The following GRIK1 variants were observed in gnomAD, a reference collection of about 807,000 sequenced individuals.
GRIK1 encodes glutamate ionotropic receptor kainate type subunit 1.
A neutral mutation model predicts 105.7 loss-of-function variants in GRIK1; 69 were observed. The ratio of observed to expected loss-of-function variants is 0.65; its 90% CI spans 0.54 to 0.80. The LOEUF is 0.80. GRIK1 is among the 30% of genes least tolerant of loss of function. The pLI is 0.00. For missense variants in GRIK1, 1,109 were observed against 1,167.3 expected (o/e 0.95, Z 0.73); for synonymous variants, 438 against 431.3 (o/e 1.02, Z -0.19).
In GRIK1 at chr21:29,707,644, C is replaced by T. The variant is rs368057293; in HGVS notation, c.119-13581G>A. ...CCGAGTAGTTGGGCCTACAGGCGTT[C>T]GCCACCACACCCAGCTAATTTTGTA... On this transcript the variant is annotated intron_variant, in intron 1 of 17. Coordinates refer to ENST00000327783, the MANE Select transcript of GRIK1 (RefSeq NM_001330994.2). 5.9e-5 allele frequency among the ~76,000 whole-genome samples: 9 copies of T among 151,848 alleles called. No individual in the cohort carries two copies. In the East Asian group the frequency reaches 1.4e-3, roughly 23 times the overall value.
intron 1 of GRIK1, among the ~76,000 whole-genome samples, chr21:29,853,717 C>A (rs754421237): frequency 1.2e-4 from 19 of 152,136 alleles, no homozygotes; most frequent in Admixed American, 3.9e-4. Flanking sequence ...ACCAAATCAA[C>A]GTGTATTAAA....
intron 11 of GRIK1, 23 bp downstream of exon 11, chr21:29,588,816 A>T: frequency 8.2e-7 from 1 of 1,215,852 alleles, no homozygotes. Context: ...ATTTTCAGAT[A>T]TGTTAGAAAT....
chr21:29,686,586 T>C (rs1345373868), intron 3 of GRIK1, among the ~76,000 whole-genome samples: 1 of 152,256 alleles, frequency 6.6e-6, no homozygotes, highest in East Asian at 1.9e-4. Flanking sequence ...TAGCCCAGCA[T>C]GTATTTTTGC....
At chr21:29,890,134 C>A (rs1280586729) in intron 1 of GRIK1, among the ~76,000 whole-genome samples, 9 of 152,046 alleles carry the variant, frequency 5.9e-5, no homozygotes, top group Non-Finnish European at 7.4e-5. Flanking sequence ...TTTACCTCCC[C>A]AATTAGACTT....
chr21:29,582,495 A>G (rs1341776708), intron 12 of GRIK1: 4 of 282,104 alleles, frequency 1.4e-5, no homozygotes, highest in Non-Finnish European at 3.0e-5. Context: ...TATTGCCTCA[A>G]TTTCCTTATT....
chr21:29,675,784 C>G (rs1340463079), intron 3 of GRIK1, among the ~76,000 whole-genome samples: 3 of 152,098 alleles, frequency 2.0e-5, no homozygotes, highest in South Asian at 2.1e-4. Flanking sequence ...GCTGGAGTAA[C>G]TTGCTCAAGG....
intron 12 of GRIK1, 40 bp downstream of exon 12, chr21:29,587,326 G>T: frequency 1.5e-6 from 2 of 1,295,478 alleles, no homozygotes; most frequent in South Asian, 2.4e-5. Flanking sequence ...ATCTGAGACT[G>T]ACCTACACCT....
chr21:29,610,342 A>T (rs2061704711), intron 7 of GRIK1, among the ~76,000 whole-genome samples: 1 of 152,054 alleles, frequency 6.6e-6, no homozygotes. Flanking sequence ...CAAGTTAAGG[A>T]TCTTAAAGTG....
chr21:29,730,272 C>G (rs1391406835), intron 1 of GRIK1, among the ~76,000 whole-genome samples: 1 of 152,048 alleles, frequency 6.6e-6, no homozygotes, highest in Non-Finnish European at 1.5e-5. Flanking sequence ...ATAATACCAC[C>G]ACTCAGAAGG....
chr21:29,888,020 C>G (rs73898505), intron 1 of GRIK1, among the ~76,000 whole-genome samples: 12,503 of 151,344 alleles, frequency 0.083, 1,388 homozygotes, highest in African/African-American at 0.26. Flanking sequence ...AAAACCAACT[C>G]CCCAAAAGCT....
intron 6 of GRIK1, among the ~76,000 whole-genome samples, chr21:29,650,667 G>A (rs1263440234): frequency 6.6e-6 from 1 of 152,216 alleles, no homozygotes; most frequent in East Asian, 1.9e-4. Flanking sequence ...AGGACAGGAA[G>A]AGCTGAATAC....
intron 1 of GRIK1, among the ~76,000 whole-genome samples, chr21:29,714,164 T>G (rs1369157458): frequency 6.6e-6 from 1 of 152,122 alleles, no homozygotes; most frequent in Non-Finnish European, 1.5e-5. Context: ...TATCTTTAAA[T>G]TTTTGCTCTA....
chr21:29,756,333 A>G (rs986212491), intron 1 of GRIK1, among the ~76,000 whole-genome samples: 3 of 152,196 alleles, frequency 2.0e-5, no homozygotes, highest in African/African-American at 7.2e-5. Flanking sequence ...GTGAGCCGAG[A>G]TGGTGCCACT....
intron 3 of GRIK1, among the ~76,000 whole-genome samples, chr21:29,684,020 C>A (rs1265347926): frequency 1.3e-5 from 2 of 152,200 alleles, no homozygotes; most frequent in Non-Finnish European, 2.9e-5. Context: ...GGTATCCTTA[C>A]ATAAAACTGT....
intron 1 of GRIK1, among the ~76,000 whole-genome samples, chr21:29,722,688 TA>T (rs1374433721): frequency 6.6e-6 from 1 of 152,036 alleles, no homozygotes; most frequent in Non-Finnish European, 1.5e-5. Context: ...ATACGTGCTG[TA>T]ACATACATTA....
At chr21:29,665,298 G>A (rs567194646) in intron 4 of GRIK1, among the ~76,000 whole-genome samples, 5 of 152,204 alleles carry the variant, frequency 3.3e-5, no homozygotes, top group African/African-American at 9.6e-5. Flanking sequence ...TAATATACTC[G>A]TAACTATGAA....
chr21:29,827,478 CTCATAAG>C (rs1477824044), intron 1 of GRIK1, among the ~76,000 whole-genome samples: 3 of 152,068 alleles, frequency 2.0e-5, no homozygotes, highest in African/African-American at 7.2e-5. Flanking sequence ...CTGTATGGCA[CTCATAAG>C]TCCAGATTTG....
chr21:29,538,053 T>C (rs935496188), intron 16 of GRIK1, among the ~76,000 whole-genome samples, 169 bp from the exon 17 acceptor site: 3 of 152,162 alleles, frequency 2.0e-5, no homozygotes, highest in Non-Finnish European at 4.4e-5. Flanking sequence ...GAAAACGGAA[T>C]TATGATTAAA....
intron 3 of GRIK1, among the ~76,000 whole-genome samples, chr21:29,686,409 G>A (rs2063487398): frequency 6.6e-6 from 1 of 152,220 alleles, no homozygotes; most frequent in Non-Finnish European, 1.5e-5. Flanking sequence ...AGGAGGGCCA[G>A]TGAGGAGGAA....
Sources: allele counts gnomAD v4.1 joint callset (sites outside exome capture counted in the v4.1 genomes callset), GRCh38; gene constraint gnomAD v4.1.1; transcripts MANE v1.5; gene names NCBI Gene and HGNC (gene_info 2026-07-23, HGNC 2026-07-21).